The following CNTLN variants were observed in gnomAD, a reference collection of about 807,000 sequenced individuals.
CNTLN encodes the protein centlein, also known as centlein, centrosomal protein.
In CNTLN, 212 loss-of-function variants were observed where a neutral mutation model predicts 180.0. The observed-to-expected ratio is 1.18, with a 90% confidence interval of 1.05 to 1.32. The LOEUF (loss-of-function observed/expected upper bound fraction) is 1.32. Among genes scored for constraint, CNTLN ranks in the 40% most tolerant of loss-of-function variants. The pLI, the probability that CNTLN is intolerant of heterozygous loss-of-function variation, is 0.00. For synonymous variants in CNTLN, 722 were observed against 563.1 expected (o/e 1.28, Z -3.99); for missense variants, 2,095 against 1,610.9 (o/e 1.30, Z -5.14).
Position 17,135,061 on chromosome 9 carries a change from C to T in CNTLN, c.-5C>T. The T allele has an allele frequency of 6.3e-7, 1 of 1,594,430 alleles. No individual in the cohort carries two copies. Among genetic ancestry groups the T allele is most frequent in the Non-Finnish European group, 8.5e-7 (1 of 1,175,448 alleles). ...AGGGAACTTGACCCGTTAGCAGCCG[C>T]AGCCATGGCGGCGCGTTCGCCTCCC... On this transcript the variant is annotated 5_prime_UTR_variant, in exon 1 of 26. Transcript: ENST00000380647.
At chr9:17,436,165 C>T (rs143852749) in intron 18 of CNTLN, among the ~76,000 whole-genome samples, 1 of 152,176 alleles carries the variant, frequency 6.6e-6, no homozygotes, top group East Asian at 1.9e-4. Flanking sequence ...ATAAATATTA[C>T]ATATTTTCTC....
At chr9:17,390,007 C>T (rs1256569073) in intron 14 of CNTLN, among the ~76,000 whole-genome samples, 3 of 152,140 alleles carry the variant, frequency 2.0e-5, no homozygotes, top group East Asian at 3.9e-4. Flanking sequence ...TGTGAAGACA[C>T]AGGGAAAAGA....
At chr9:17,312,431 G>A (rs945651046) in intron 8 of CNTLN, among the ~76,000 whole-genome samples, 3 of 143,510 alleles carry the variant, frequency 2.1e-5, no homozygotes, top group African/African-American at 7.6e-5. Context: ...CTGTCGCCCA[G>A]GCTGGAGTGC....
At chr9:17,149,806 T>G (rs1006863289) in intron 2 of CNTLN, among the ~76,000 whole-genome samples, 9 of 152,132 alleles carry the variant, frequency 5.9e-5, no homozygotes, top group African/African-American at 2.2e-4. Context: ...CATGAGCCAC[T>G]GCACCTGGCC....
At chr9:17,406,025 G>A (rs978486975) in intron 15 of CNTLN, among the ~76,000 whole-genome samples, 4 of 151,702 alleles carry the variant, frequency 2.6e-5, no homozygotes, top group African/African-American at 9.7e-5. Flanking sequence ...TGTCAACTTA[G>A]CATCATACTT....
At chr9:17,520,295 G>A in the CNTLN span, among the ~76,000 whole-genome samples, 1 of 152,214 alleles carries the variant, frequency 6.6e-6, no homozygotes, top group South Asian at 2.1e-4. Flanking sequence ...TGTTACAGGG[G>A]CCAAAGGATT....
intron 13 of CNTLN, among the ~76,000 whole-genome samples, chr9:17,372,767 A>AG (rs1824435486): frequency 2.0e-5 from 3 of 152,188 alleles, no homozygotes. Context: ...ACACATTAAA[A>AG]AATTAGTCAT....
intron 5 of CNTLN, among the ~76,000 whole-genome samples, chr9:17,244,148 G>T (rs1367969679): frequency 6.6e-6 from 1 of 150,686 alleles, no homozygotes; most frequent in Non-Finnish European, 1.5e-5. Flanking sequence ...GTTTTCATTT[G>T]CATGGAATAT....
the CNTLN span, among the ~76,000 whole-genome samples, chr9:17,528,290 A>G: frequency 2.0e-5 from 3 of 152,242 alleles, no homozygotes; most frequent in African/African-American, 7.2e-5. Context: ...AACAATGGTG[A>G]TAAGTCTCAT....
At chr9:17,186,140 T>C (rs192783638) in intron 2 of CNTLN, among the ~76,000 whole-genome samples, 3 of 152,300 alleles carry the variant, frequency 2.0e-5, no homozygotes, top group Admixed American at 2.0e-4. Flanking sequence ...TTATTTCATC[T>C]TGGACTTTGT....
intron 19 of CNTLN, among the ~76,000 whole-genome samples, chr9:17,460,116 A>G (rs1015837536): frequency 6.6e-6 from 1 of 151,562 alleles, no homozygotes; most frequent in Non-Finnish European, 1.5e-5. Flanking sequence ...TTTCTGTGTA[A>G]TTTTACATAT....
At chr9:17,389,437 A>T (rs1825931074) in intron 14 of CNTLN, among the ~76,000 whole-genome samples, 3 of 152,130 alleles carry the variant, frequency 2.0e-5, no homozygotes, top group Non-Finnish European at 4.4e-5. Flanking sequence ...TTCTTGCCTT[A>T]GGGTAGAAAC....
At chr9:17,337,890 G>T (rs1269361801) in intron 10 of CNTLN, among the ~76,000 whole-genome samples, 2 of 152,008 alleles carry the variant, frequency 1.3e-5, no homozygotes, top group African/African-American at 4.8e-5. Context: ...AGTTTCTGAT[G>T]ACTCTAACAA....
intron 9 of CNTLN, among the ~76,000 whole-genome samples, chr9:17,332,267 C>G (rs554297171): frequency 8.8e-4 from 134 of 152,070 alleles, no homozygotes; most frequent in Non-Finnish European, 1.4e-3. Flanking sequence ...AACCTTGGAC[C>G]CTTATAGAGC....
chr9:17,455,408 A>C (rs538503163), intron 18 of CNTLN, among the ~76,000 whole-genome samples: 118 of 152,286 alleles, frequency 7.7e-4, no homozygotes, highest in African/African-American at 2.8e-3. Context: ...ATACATTTTT[A>C]TATTGTTAAA....
rs145769171 is a variant in CNTLN, at chr9:17,297,668, G to T, written c.984-522G>T. ...TCATCAGTTCCTTCAAGCTGAGTTA[G>T]AGGAGTCACAAGTATCCCAGCCCAG... On this transcript the variant is annotated intron_variant, in intron 6 of 25. Coordinates refer to ENST00000380647, the MANE Select transcript of CNTLN (RefSeq NM_017738.4). Among the ~76,000 whole-genome samples the T allele has an allele frequency of 4.0e-4, 61 of 152,308 alleles. 1 individual carries two copies. The East Asian group carries it at 0.011, about 28-fold the overall frequency.
chr9:17,135,387 G>C lies in CNTLN; in HGVS notation c.322G>C (p.Glu108Gln). ...MVTRTQLLEE[E>Q]LSSLKEELAL... ...GACCCGGACGCAGCTGCTGGAGGAA[G>C]AGCTGAGCAGCCTAAAGGAGGAGTT... Residue 108 changes from glutamate to glutamine, a missense_variant, in exon 1 of 26, where the codon GAG becomes CAG. Coordinates refer to ENST00000380647, the MANE Select transcript of CNTLN (RefSeq NM_017738.4). 1 of 1,598,588 alleles carries C rather than the reference G, an allele frequency of 6.3e-7. No homozygotes were observed. Among genetic ancestry groups the C allele is most frequent in the Non-Finnish European group, 8.5e-7 (1 of 1,173,678 alleles).
At position 17,490,722 on chromosome 9, in the gene CNTLN, A is replaced by G. The variant is rs372904334; in HGVS notation, c.4119+3656A>G. Among the ~76,000 whole-genome samples the G allele has an allele frequency of 2.2e-4, 33 of 152,218 alleles. 2 individuals carry two copies. Among genetic ancestry groups the G allele is most frequent in the African/African-American group, 6.0e-4 (25 of 41,554 alleles). On this transcript the variant is annotated intron_variant, in intron 25 of 25. Transcript: ENST00000380647. ...ATACTTTAAAATGGTGAGTTTTGCT[A>G]TGTGAATTTTATCTCCACTTAAAAC... is the stretch of plus-strand genomic sequence containing the variant.
intron 8 of CNTLN, among the ~76,000 whole-genome samples, chr9:17,330,064 A>G (rs1019660596): frequency 3.9e-5 from 6 of 152,066 alleles, no homozygotes; most frequent in Admixed American, 6.6e-5. Flanking sequence ...TCTGTTGTTA[A>G]AATGTGGAGC....
Sources: allele counts gnomAD v4.1 joint callset (sites outside exome capture counted in the v4.1 genomes callset), GRCh38; gene constraint gnomAD v4.1.1; transcripts MANE v1.5; gene names NCBI Gene and HGNC (gene_info 2026-07-23, HGNC 2026-07-21).